The following OIP5 variants were observed in gnomAD, a reference collection of about 807,000 sequenced individuals.
OIP5 encodes Opa interacting protein 5, also known as protein Mis18-beta.
OIP5 carries 24 observed loss-of-function variants against 20.3 expected under a neutral mutation model. The observed-to-expected ratio is 1.18, with a 90% CI of 0.86 to 1.66. The LOEUF (loss-of-function observed/expected upper bound fraction) is 1.66. OIP5 is among the 40% of genes most tolerant of loss of function. OIP5 has a pLI of 0.00. For synonymous variants in OIP5, 143 were observed against 121.3 expected, an observed-to-expected ratio of 1.18 and a Z score of -1.17; for missense variants, 339 against 289.5, an observed-to-expected ratio of 1.17 and a Z score of -1.24.
At chr15:41,311,876 C>CTT (rs74976629) in intron 4 of OIP5, among the ~76,000 whole-genome samples, 3 of 135,810 alleles carry the variant, frequency 2.2e-5, no homozygotes, top group Non-Finnish European at 3.3e-5. Flanking sequence ...AATAAGAATT[C>CTT]TTTTTTTTTT....
chr15:41,322,217 T>C (rs895071335), intron 2 of OIP5, among the ~76,000 whole-genome samples: 2 of 152,158 alleles, frequency 1.3e-5, no homozygotes, highest in African/African-American at 2.4e-5. Flanking sequence ...AGTGGGCAGA[T>C]AGCTTGAGCC....
At chr15:41,318,717 T>C (rs2047803704) in intron 3 of OIP5, among the ~76,000 whole-genome samples, 1 of 59,046 alleles carries the variant, frequency 1.7e-5, no homozygotes, top group Admixed American at 1.4e-4. Context: ...GTCCCACTGC[T>C]TTTTTTTTTT....
chr15:41,311,828 AGTGCTGGGATT>A (rs2047756337), intron 4 of OIP5, among the ~76,000 whole-genome samples: 6 of 144,364 alleles, frequency 4.2e-5, no homozygotes, highest in Admixed American at 6.9e-5. Context: ...GGCTTCTCAA[AGTGCTGGGATT>A]ACAGGTGTGA....
rs768176736 is a variant in OIP5 at position 41,332,539 on chromosome 15, T to C, written c.23A>G (p.His8Arg). ...GGGCGGCGTTGCACAACGTGAGCGA[T>C]GCCGCAGCGGCTGAGCCGCCATCTT... MAAQPLR[H>R]RSRCATPPRG... The change falls in exon 1 of 5, where the codon CAT (histidine) becomes CGT (arginine). Residue 8 changes from histidine (H) to arginine (R), a missense_variant. Physicochemically the swap from His to Arg is conservative, Grantham distance 29. Coordinates refer to ENST00000220514, the MANE Select transcript of OIP5 (RefSeq NM_007280.2). 2 of 1,608,938 alleles carry C rather than the reference T, an allele frequency of 1.2e-6. No individual in the cohort carries two copies. The highest frequency in any genetic ancestry group is 1.7e-5 in the Admixed American group (1 of 58,484).
At chr15:41,321,544 T>G (rs564695567) in intron 2 of OIP5, among the ~76,000 whole-genome samples, 1 of 152,284 alleles carries the variant, frequency 6.6e-6, no homozygotes, top group East Asian at 1.9e-4. Context: ...TAGAAAGAAG[T>G]AGACATGGGA....
At chr15:41,320,894 C>A (rs1253532343) in intron 2 of OIP5, among the ~76,000 whole-genome samples, 2 of 151,636 alleles carry the variant, frequency 1.3e-5, no homozygotes, top group East Asian at 3.9e-4. Flanking sequence ...CTCTGCCCGG[C>A]CTCCCATGGT....
chr15:41,331,069 A>C (rs149786617), intron 2 of OIP5, among the ~76,000 whole-genome samples: 38 of 152,294 alleles, frequency 2.5e-4, no homozygotes, highest in African/African-American at 8.4e-4. Context: ...AGCTGCAGAA[A>C]TCTTCCTGGT....
At chr15:41,322,994 A>G (rs2047839708) in intron 2 of OIP5, among the ~76,000 whole-genome samples, 1 of 152,188 alleles carries the variant, frequency 6.6e-6, no homozygotes, top group Admixed American at 6.6e-5. Context: ...GTGGATACTA[A>G]AAAAGAACAA....
Position 41,332,537 on chromosome 15 carries a change from G to T in OIP5, c.25C>A (p.Arg9Ser). MAAQPLRH[R>S]SRCATPPRGD... ...CGGGGCGGCGTTGCACAACGTGAGC[G>T]ATGCCGCAGCGGCTGAGCCGCCATC... The change falls in exon 1 of 5, where the codon CGC (arginine) becomes AGC (serine). Residue 9 changes from arginine to serine, a missense_variant. Coordinates refer to ENST00000220514, the MANE Select transcript of OIP5 (RefSeq NM_007280.2). 6.2e-7 allele frequency: 1 copy of T among 1,609,110 alleles called. No individual in the cohort carries two copies. Among genetic ancestry groups the T allele is most frequent in the Non-Finnish European group, 8.5e-7 (1 of 1,177,834 alleles).
rs1479125618 is a variant in OIP5 at position 41,309,739 on chromosome 15, A to T, written c.*15T>A. 5.7e-6 allele frequency: 9 copies of T among 1,568,698 alleles called. No individual in the cohort carries two copies. Among genetic ancestry groups the T allele is most frequent in the Non-Finnish European group, 7.9e-6 (9 of 1,141,356 alleles). ...CAATAAAGCCTGAACCTGACACTCA[A>T]GCTTTGGTACAGGATCAGTTTTCTG... On this transcript the variant is annotated 3_prime_UTR_variant, in exon 5 of 5. Transcript: ENST00000220514.
intron 3 of OIP5, among the ~76,000 whole-genome samples, chr15:41,315,156 G>A (rs1038542623): frequency 9.3e-5 from 14 of 151,260 alleles, no homozygotes; most frequent in South Asian, 4.2e-4. Context: ...CTGGCGGGGC[G>A]CAGTGGCTTA....
chr15:41,331,951 G>C lies in OIP5; in HGVS notation c.353C>G (p.Pro118Arg), dbSNP rs569278342. 49 of 1,614,000 alleles carry C rather than the reference G, an allele frequency of 3.0e-5. No individual in the cohort carries two copies. In the South Asian group the frequency reaches 5.1e-4, roughly 17 times the overall value. Residue 118 changes from proline to arginine, a missense_variant, in exon 2 of 5, where the codon CCC becomes CGC. Transcript: ENST00000220514. The stretch of plus-strand genomic sequence containing the variant: ...TGAACCTTCAATGCCAACTAGGAAG[G>C]GCGCTTCCAAAACGACGTTATTTGT... ...RVTNNVVLEA[P>R]FLVGIEGSLK...
Position 41,309,578 on chromosome 15 carries a change from C to A in OIP5, c.*176G>T. The A allele has an allele frequency of 2.0e-6, 1 of 491,960 alleles. No individual in the cohort carries two copies. The highest frequency in any genetic ancestry group is 3.6e-6 in the Non-Finnish European group (1 of 277,138). The allele number at this position is 491,960 out of a possible 1,614,324, so 30.5% of individuals were successfully genotyped here. ...GCTATAAAAGAGAAGAATCCTTAGT[C>A]TCTCATCTTCTAAAAACAGCTTCAC... On this transcript the variant is annotated 3_prime_UTR_variant, in exon 5 of 5. Transcript: ENST00000220514.
rs573078885 is a variant in OIP5, at chr15:41,317,571, C to T, written c.512+2087G>A. Among the ~76,000 whole-genome samples, 7 of 151,912 alleles carry T rather than the reference C, an allele frequency of 4.6e-5. No individual in the cohort carries two copies. The East Asian group carries it at 1.2e-3, about 25-fold the overall frequency. ...ATTTTTTTTGTATTTTTAGTAGAGA[C>T]GGGGTTTCCCATGTTGGCCAGGATG... On this transcript the variant is annotated intron_variant, in intron 3 of 4. Transcript: ENST00000220514.
At chr15:41,325,729 A>T (rs1413152044) in intron 2 of OIP5, among the ~76,000 whole-genome samples, 1 of 151,520 alleles carries the variant, frequency 6.6e-6, no homozygotes, top group African/African-American at 2.4e-5. Flanking sequence ...ACGCACCTGT[A>T]ATCCCAGCTA....
At chr15:41,312,682 T>G (rs2140458349) in intron 4 of OIP5, among the ~76,000 whole-genome samples, 1 of 148,248 alleles carries the variant, frequency 6.7e-6, no homozygotes, top group South Asian at 2.1e-4. Flanking sequence ...CAGGCTGGAA[T>G]GCAGTGGCGC....
intron 4 of OIP5, among the ~76,000 whole-genome samples, chr15:41,310,971 G>A (rs1203772971): frequency 6.6e-6 from 1 of 152,182 alleles, no homozygotes; most frequent in Non-Finnish European, 1.5e-5. Flanking sequence ...CAGGGCAAGA[G>A]CAGTGGCTTC....
At chr15:41,331,798 A>C in intron 2 of OIP5, 117 bp downstream of exon 2, 1 of 820,440 alleles carries the variant, frequency 1.2e-6, no homozygotes, top group Non-Finnish European at 2.1e-6. Flanking sequence ...AGTTCATATA[A>C]GAGTCAAACA....
chr15:41,331,282 C>T (rs935649640), intron 2 of OIP5, among the ~76,000 whole-genome samples: 5 of 152,192 alleles, frequency 3.3e-5, no homozygotes, highest in African/African-American at 9.7e-5. Flanking sequence ...TATTCAAGTA[C>T]ATAACATTCT....
Sources: gnomAD v4.1 joint callset for allele counts (sites outside exome capture counted in the v4.1 genomes callset) on GRCh38, gnomAD v4.1.1 for gene constraint, MANE v1.5 for transcripts, NCBI Gene and HGNC (gene_info 2026-07-23, HGNC 2026-07-21) for gene names.